GRIN1: variants seen among roughly 807,000 people sequenced by gnomAD.
GRIN1 encodes the protein glutamate receptor ionotropic, NMDA 1.
Under a neutral mutation model 103.0 loss-of-function variants are expected in GRIN1, and 38 were observed. The observed-to-expected ratio is 0.37, with a 90% CI of 0.28 to 0.48. GRIN1 has a LOEUF of 0.48. Ranked by LOEUF, GRIN1 falls within the 20% of genes least tolerant of loss-of-function variation. The pLI, the probability that GRIN1 is intolerant of heterozygous loss-of-function variation, is 0.98. For missense variants in GRIN1, 577 were observed against 1,288.9 expected, an observed-to-expected ratio of 0.45 and a Z score of 8.46; for synonymous variants, 544 against 532.7, an observed-to-expected ratio of 1.02 and a Z score of -0.29.
chr9:137,144,105 C>T (rs1832325138), intron 2 of GRIN1, among the ~76,000 whole-genome samples: 3 of 152,224 alleles, frequency 2.0e-5, no homozygotes, highest in Admixed American at 6.5e-5. Flanking sequence ...CGCTATGTGT[C>T]ATCAAGAATT....
rs150508714 is a variant in GRIN1 at position 137,158,523 on chromosome 9, C to T, written c.1113C>T (p.His371=). 2.5e-5 allele frequency: 40 copies of T among 1,610,546 alleles called. No individual in the cohort carries two copies. The Admixed American group carries it at 3.8e-4, about 15-fold the overall frequency. Residue 371 remains histidine (H), a splice_region_variant and synonymous_variant, in exon 7 of 20, where the codon CAC becomes CAT. Transcript: ENST00000371561. ...AAGTGGGCATCTACAATGGCACCCACGTAGGTGGGGGTCATGAGGGGGTGG... is the reference window on the plus strand; with the variant it reads ...AAGTGGGCATCTACAATGGCACCCATGTAGGTGGGGGTCATGAGGGGGTGG... ...LVQVGIYNGT[H]VIPNDRKIIW...
Position 137,139,442 on chromosome 9 carries a change from G to A in GRIN1, c.-45G>A. On this transcript the variant is annotated 5_prime_UTR_variant, in exon 1 of 20. Transcript: ENST00000371561. The surrounding 1 kb of genome is among the most constrained non-coding windows in gnomAD (Gnocchi z 7.7). Reference sequence around the variant, plus strand: ...AAGCCCCGCGGGGGATGCGCCGAGGGCCCCGCGTTCGCGCCGCGCAGAGCC... The same window carrying A: ...AAGCCCCGCGGGGGATGCGCCGAGGACCCCGCGTTCGCGCCGCGCAGAGCC... 7.1e-7 allele frequency: 1 copy of A among 1,401,016 alleles called. No homozygotes were observed. The highest frequency in any genetic ancestry group is 9.3e-7 in the Non-Finnish European group (1 of 1,075,262). The allele number at this position is 1,401,016 out of a possible 1,614,324, so 86.8% of individuals were successfully genotyped here.
rs1275387929 is a variant in GRIN1 at position 137,156,908 on chromosome 9, A to C, written c.839A>C (p.His280Pro). ...ATCAACGGCAAGAACGAGTCGGCCC[A>C]CATCAGCGACGCCGTGGGCGTGGTG... ...QLINGKNESAHISDAVGVVAQ... is the reference protein window; with the variant it reads ...QLINGKNESAPISDAVGVVAQ... Residue 280 changes from histidine (H) to proline (P), a missense_variant, in exon 6 of 20, where the codon CAC (histidine) becomes CCC (proline). Transcript: ENST00000371561. 1 of 1,612,250 alleles carries C rather than the reference A, an allele frequency of 6.2e-7. No homozygotes were observed. The highest frequency in any genetic ancestry group is 2.2e-5 in the East Asian group (1 of 44,868).
intron 8 of GRIN1, among the ~76,000 whole-genome samples, chr9:137,160,644 A>G: frequency 6.6e-6 from 1 of 152,068 alleles, no homozygotes; most frequent in Admixed American, 6.5e-5. Context: ...GTTAGCCAGG[A>G]TGGTCTCGAT....
chr9:137,167,524 C>A lies in GRIN1; in HGVS notation c.2814C>A (p.Ser938Arg). The part of the protein sequence containing the change: ...QLQLCSRHRE[S>R] ...AGCTGTGTTCCCGTCATAGGGAGAG[C>A]TGAGACTCCCCGCCCGCCCTCCTCT... Residue 938 changes from serine to arginine, a missense_variant, in exon 20 of 20, where the codon AGC becomes AGA. By Grantham distance (110) the Ser-to-Arg change is moderately radical. Transcript: ENST00000371561. 6.5e-7 allele frequency: 1 copy of A among 1,549,526 alleles called. No homozygotes were observed. The highest frequency in any genetic ancestry group is 8.7e-7 in the Non-Finnish European group (1 of 1,144,638).
In GRIN1 at chr9:137,146,790, C is replaced by T. The variant is rs1400898789; in HGVS notation, c.570+888C>T. 3.9e-5 allele frequency among the ~76,000 whole-genome samples: 6 copies of T among 152,248 alleles called. No homozygotes were observed. Among genetic ancestry groups the T allele is most frequent in the Admixed American group, 2.0e-4 (3 of 15,302 alleles). On this transcript the variant is annotated intron_variant, in intron 3 of 19. Transcript: ENST00000371561. This position sits in a 1 kb window ranked among gnomAD's most constrained non-coding sequence, Gnocchi z 6.7. ...CCTATGGGTGGCTGGGAGCATGTTT[C>T]GTGTCAGAGCTGGCTTCATCGGACT...
intron 2 of GRIN1, 108 bp downstream of exon 2, chr9:137,142,255 A>T: frequency 9.2e-7 from 1 of 1,092,574 alleles, no homozygotes; most frequent in South Asian, 1.2e-5. Context: ...ACACACCACA[A>T]ACAGCCACAC....
intron 18 of GRIN1, chr9:137,164,250 G>A: frequency 2.6e-6 from 1 of 391,290 alleles, no homozygotes; most frequent in Non-Finnish European, 4.9e-6. Context: ...TGGCACGTGA[G>A]TCCAAGATGC....
intron 3 of GRIN1, among the ~76,000 whole-genome samples, chr9:137,147,017 T>TCCTCCCAGCACCCGACAGGCCCCTC (rs1832575132): frequency 1.5e-5 from 1 of 67,068 alleles, no homozygotes; most frequent in African/African-American, 6.3e-5. Context: ...GACAGGCCCC[T>TCCTCCCAGCACCCGACAGGCCCCTC]CCCCCCAGCG....
At chr9:137,141,835 C>T (rs552902072) in intron 1 of GRIN1, among the ~76,000 whole-genome samples, 178 bp from the exon 2 acceptor site, 3 of 152,284 alleles carry the variant, frequency 2.0e-5, no homozygotes, top group East Asian at 3.9e-4. Context: ...TGGGGTCTCC[C>T]TCCCCTGCCC....
At position 137,163,012 on chromosome 9, in the gene GRIN1, CG is replaced by C; in HGVS notation, c.2171+12del. On this transcript the variant is annotated intron_variant, in intron 15 of 19. Transcript: ENST00000371561. ...CAGGCCGTGAGAGACAAGTGAGGCG[CG>C]GGCGGCCACCCTGGCGGGGCGGGAC... 1 of 1,522,154 alleles carries C rather than the reference CG, an allele frequency of 6.6e-7. No individual in the cohort carries two copies. The highest frequency in any genetic ancestry group is 8.9e-7 in the Non-Finnish European group (1 of 1,128,350). The allele number at this position is 1,522,154 out of a possible 1,614,324, so 94.3% of individuals were successfully genotyped here. A position where few individuals can be genotyped will look rare whatever the true frequency, so the allele number is the denominator to read the frequency against.
chr9:137,143,929 C>T (rs1345114925), intron 2 of GRIN1, among the ~76,000 whole-genome samples: 6 of 152,332 alleles, frequency 3.9e-5, no homozygotes, highest in African/African-American at 1.2e-4. Context: ...CATGCCACGG[C>T]ACTCCGTGGC....
intron 2 of GRIN1, among the ~76,000 whole-genome samples, chr9:137,144,498 CA>C (rs575563220): frequency 3.0e-4 from 46 of 151,928 alleles, no homozygotes; most frequent in Admixed American, 9.2e-4. Context: ...ACTAAAAATA[CA>C]AAAAAATTAG....
intron 1 of GRIN1, among the ~76,000 whole-genome samples, chr9:137,140,773 C>T (rs749207033): frequency 2.6e-5 from 4 of 152,248 alleles, no homozygotes; most frequent in African/African-American, 9.6e-5. Context: ...TGGTCACACA[C>T]GGACCTACGG....
chr9:137,161,910 C>T lies in GRIN1; in HGVS notation c.1468-14C>T. The T allele has an allele frequency of 6.4e-7, 1 of 1,552,376 alleles. No individual in the cohort carries two copies. Among genetic ancestry groups the T allele is most frequent in the East Asian group, 2.4e-5 (1 of 41,132 alleles). ...GACGCTGCCTGCATGCCCGCCGGCTCTGTCGCCTCGCAGGTGAACAACAGC... is the reference window on the plus strand; with the variant it reads ...GACGCTGCCTGCATGCCCGCCGGCTTTGTCGCCTCGCAGGTGAACAACAGC... On this transcript the variant is annotated splice_polypyrimidine_tract_variant and intron_variant, in intron 10 of 19. Transcript: ENST00000371561.
intron 1 of GRIN1, among the ~76,000 whole-genome samples, chr9:137,141,806 G>A (rs1832176994): frequency 6.6e-6 from 1 of 152,174 alleles, no homozygotes; most frequent in Non-Finnish European, 1.5e-5. Context: ...AGTGTGAGAG[G>A]AGTGAGGGGA....
At chr9:137,144,578 C>G (rs1050889841) in intron 2 of GRIN1, among the ~76,000 whole-genome samples, 2 of 151,472 alleles carry the variant, frequency 1.3e-5, no homozygotes, top group African/African-American at 2.4e-5. Flanking sequence ...TGGTGTGAAC[C>G]CAGGAGGCGG....
intron 6 of GRIN1, 126 bp from the exon 7 acceptor site, chr9:137,158,253 C>T (rs769275227): frequency 1.1e-5 from 12 of 1,074,346 alleles, no homozygotes; most frequent in South Asian, 7.9e-5. Context: ...GCTGCTCAGC[C>T]GGCAGGAGAA....
intron 2 of GRIN1, among the ~76,000 whole-genome samples, chr9:137,144,558 G>A (rs1832376161): frequency 6.6e-6 from 1 of 152,006 alleles, no homozygotes; most frequent in African/African-American, 2.4e-5. Context: ...GGGAGGCTGA[G>A]GCAGGAGAAT....
Sources: gnomAD v4.1 joint callset for allele counts (sites outside exome capture counted in the v4.1 genomes callset) on GRCh38, gnomAD v4.1.1 for gene constraint, Gnocchi (gnomAD v3.1) non-coding constraint, MANE v1.5 for transcripts, NCBI Gene and HGNC (gene_info 2026-07-23, HGNC 2026-07-21) for gene names.